Variants in MACROD2 observed in about 807,000 individuals in gnomAD.
The protein encoded by MACROD2 is ADP-ribose glycohydrolase MACROD2.
Under a neutral mutation model 70.4 loss-of-function variants are expected in MACROD2, and 36 were observed. The observed-to-expected ratio is 0.51, with a 90% CI of 0.39 to 0.68. The LOEUF (loss-of-function observed/expected upper bound fraction) is 0.68, where lower values mean the gene tolerates loss of function less well. MACROD2 is among the 30% of genes least tolerant of loss of function. The pLI is 0.00. For missense variants in MACROD2, 496 were observed against 538.4 expected (o/e 0.92, Z 0.78); for synonymous variants, 172 against 178.8 (o/e 0.96, Z 0.30).
intron 2 of MACROD2, among the ~76,000 whole-genome samples, chr20:14,021,642 T>G (rs2053082834): frequency 6.6e-6 from 1 of 152,226 alleles, no homozygotes. Flanking sequence ...ACTATTTTCC[T>G]TGAACTTAAT....
intron 8 of MACROD2, among the ~76,000 whole-genome samples, chr20:15,512,265 A>G (rs747330355): frequency 3.9e-5 from 6 of 152,244 alleles, no homozygotes; most frequent in Non-Finnish European, 8.8e-5. Context: ...CTCACATTAA[A>G]TATCTTTGGG....
rs11461670 is a variant in MACROD2, at chr20:14,754,795, AT to A, written c.418+69851del. Among the ~76,000 whole-genome samples the A allele has an allele frequency of 1.3e-3, 193 of 143,756 alleles. No homozygotes were observed. In the South Asian group the frequency reaches 0.014, roughly 11 times the overall value. The allele number at this position is 143,756 out of a possible 152,430, so 94.3% of individuals were successfully genotyped here. A position where few individuals can be genotyped will look rare whatever the true frequency, so the allele number is the denominator to read the frequency against. On this transcript the variant is annotated intron_variant, in intron 5 of 17. Coordinates refer to ENST00000684519, the MANE Select transcript of MACROD2 (RefSeq NM_001351661.2). ...ATGTGGGATATTTTTAGGTAAAGTGATTTTTTTTTTTTTTTGAGGAATACCA... is the reference window on the plus strand; with the variant it reads ...ATGTGGGATATTTTTAGGTAAAGTGATTTTTTTTTTTTTTGAGGAATACCA...
intron 5 of MACROD2, among the ~76,000 whole-genome samples, chr20:15,074,995 A>G (rs2075647458): frequency 6.6e-6 from 1 of 152,218 alleles, no homozygotes; most frequent in Admixed American, 6.5e-5. Flanking sequence ...GAGTATTTAA[A>G]TAAGTAAGTA....
chr20:14,069,387 G>A (rs1413311352), intron 2 of MACROD2, among the ~76,000 whole-genome samples: 1 of 152,006 alleles, frequency 6.6e-6, no homozygotes, highest in Non-Finnish European at 1.5e-5. Flanking sequence ...TGACATGTGA[G>A]CAGAGGCAAC....
chr20:15,980,700 A>G (rs2066385592), intron 13 of MACROD2, among the ~76,000 whole-genome samples: 1 of 152,200 alleles, frequency 6.6e-6, no homozygotes, highest in African/African-American at 2.4e-5. Context: ...GTCTTTAACT[A>G]CTTGCCTTTG....
rs543355215 is a variant in MACROD2, at chr20:15,971,030, A to G, written c.985+3400A>G. ...AAATATTTATAAAAATTATAAATATATCTCATACCCAACAAAGTAAAATCA... is the reference window on the plus strand; with the variant it reads ...AAATATTTATAAAAATTATAAATATGTCTCATACCCAACAAAGTAAAATCA... On this transcript the variant is annotated intron_variant, in intron 13 of 17. Coordinates refer to ENST00000684519, the MANE Select transcript of MACROD2 (RefSeq NM_001351661.2). Among the ~76,000 whole-genome samples the G allele has an allele frequency of 6.6e-5, 10 of 152,320 alleles. No individual in the cohort carries two copies. In the South Asian group the frequency reaches 2.1e-3, roughly 32 times the overall value.
chr20:14,244,916 A>C (rs2122246098), intron 3 of MACROD2, among the ~76,000 whole-genome samples: 1 of 152,336 alleles, frequency 6.6e-6, no homozygotes, highest in East Asian at 1.9e-4. Flanking sequence ...CTAAGCACAC[A>C]GTTGTTGTTT....
intron 3 of MACROD2, among the ~76,000 whole-genome samples, chr20:14,290,413 G>A (rs1243631325): frequency 6.6e-6 from 1 of 152,058 alleles, no homozygotes; most frequent in Admixed American, 6.6e-5. Context: ...GCCCAAAACA[G>A]AGCAGCTGTC....
intron 3 of MACROD2, among the ~76,000 whole-genome samples, chr20:14,389,383 C>A (rs1255418603): frequency 1.4e-5 from 2 of 142,012 alleles, no homozygotes; most frequent in Non-Finnish European, 3.0e-5. Flanking sequence ...GATTGCGCCA[C>A]TGCACTCTGA....
chr20:14,427,360 C>T (rs2083945157), intron 3 of MACROD2, among the ~76,000 whole-genome samples: 1 of 151,854 alleles, frequency 6.6e-6, no homozygotes, highest in Admixed American at 6.6e-5. Flanking sequence ...TTGTCTACAG[C>T]TTCTCTGGAA....
At chr20:15,963,729 A>T (rs1026587061) in intron 12 of MACROD2, among the ~76,000 whole-genome samples, 3 of 151,874 alleles carry the variant, frequency 2.0e-5, no homozygotes, top group Admixed American at 6.6e-5. Flanking sequence ...TGACTGCATT[A>T]AAAGTGACCT....
intron 7 of MACROD2, among the ~76,000 whole-genome samples, chr20:15,433,459 CAAAA>C (rs60298297): frequency 5.6e-4 from 49 of 88,248 alleles, no homozygotes; most frequent in East Asian, 1.5e-3. Flanking sequence ...ACAAGAGCTG[CAAAA>C]AAAAAAAAAA....
At chr20:15,646,781 C>T (rs919183960) in intron 8 of MACROD2, among the ~76,000 whole-genome samples, 3 of 152,178 alleles carry the variant, frequency 2.0e-5, no homozygotes, top group African/African-American at 7.2e-5. Flanking sequence ...TGCCTTGCTT[C>T]TCCTTCGCCG....
intron 5 of MACROD2, among the ~76,000 whole-genome samples, chr20:15,184,812 A>G (rs1474734384): frequency 6.6e-6 from 1 of 152,212 alleles, no homozygotes; most frequent in African/African-American, 2.4e-5. Context: ...CTCTCTGATA[A>G]TGCTAATTAG....
At chr20:15,834,586 T>G (rs1045801380) in intron 8 of MACROD2, among the ~76,000 whole-genome samples, 1 of 152,146 alleles carries the variant, frequency 6.6e-6, no homozygotes, top group African/African-American at 2.4e-5. Context: ...CTGTCCAGTT[T>G]CAATTAATTT....
intron 8 of MACROD2, among the ~76,000 whole-genome samples, chr20:15,819,297 G>GTATATAAATATATATACTTATATA (rs1555783410): frequency 7.4e-4 from 101 of 136,742 alleles, no homozygotes; most frequent in African/African-American, 2.7e-3. Context: ...TTATATATAA[G>GTATATAAATATATATACTTATATA]TATATAAATA....
intron 4 of MACROD2, among the ~76,000 whole-genome samples, chr20:14,502,700 G>A (rs191733850): frequency 3.3e-4 from 50 of 152,118 alleles, no homozygotes; most frequent in African/African-American, 1.1e-3. Context: ...ATATGGTGAT[G>A]GTGTATCCAA....
chr20:15,754,735 A>ATGTTGTT (rs2146987055), intron 8 of MACROD2, among the ~76,000 whole-genome samples: 1 of 143,682 alleles, frequency 7.0e-6, no homozygotes, highest in South Asian at 2.2e-4. Context: ...TCTCAGTGGC[A>ATGTTGTT]TGTTGTTGCC....
At chr20:15,841,521 A>G (rs1024196759) in intron 8 of MACROD2, among the ~76,000 whole-genome samples, 2 of 152,148 alleles carry the variant, frequency 1.3e-5, no homozygotes, top group African/African-American at 2.4e-5. Flanking sequence ...GGTGGAAGCA[A>G]GAGAGCAAGT....
Sources: allele counts gnomAD v4.1 joint callset (sites outside exome capture counted in the v4.1 genomes callset), GRCh38; gene constraint gnomAD v4.1.1; transcripts MANE v1.5; gene names NCBI Gene and HGNC (gene_info 2026-07-23, HGNC 2026-07-21).